Variants in LMTK2 observed in about 807,000 individuals in gnomAD.
The protein encoded by LMTK2 is serine/threonine-protein kinase LMTK2.
In LMTK2, 37 loss-of-function variants were observed where a neutral mutation model predicts 127.5. The observed-to-expected ratio is 0.29, with a 90% CI of 0.22 to 0.38. The LOEUF is 0.38. Among genes scored for constraint, LMTK2 ranks in the 10% least tolerant of loss-of-function variants. The pLI, the probability that LMTK2 is intolerant of heterozygous loss-of-function variation, is 1.00. For synonymous variants in LMTK2, 819 were observed against 810.1 expected, an observed-to-expected ratio of 1.01 and a Z score of -0.19; for missense variants, 1,694 against 1,920.3, an observed-to-expected ratio of 0.88 and a Z score of 2.20.
At chr7:98,164,646 C>A (rs540415674) in intron 6 of LMTK2, among the ~76,000 whole-genome samples, 4 of 152,132 alleles carry the variant, frequency 2.6e-5, no homozygotes, top group Non-Finnish European at 4.4e-5. Flanking sequence ...GGAGTCCTAA[C>A]CAGGATCACT....
chr7:98,108,198 G>A (rs1031699469), intron 1 of LMTK2, among the ~76,000 whole-genome samples: 1 of 152,116 alleles, frequency 6.6e-6, no homozygotes, highest in Non-Finnish European at 1.5e-5. Flanking sequence ...GGAGATACTG[G>A]GCATGTTGGG....
intron 3 of LMTK2, among the ~76,000 whole-genome samples, chr7:98,149,418 A>T (rs76669372): frequency 7.9e-5 from 12 of 152,200 alleles, no homozygotes; most frequent in African/African-American, 2.4e-4. Context: ...CTGGCAGTTT[A>T]AAAAAAAGTC....
chr7:98,143,776 T>C (rs2116373368), intron 3 of LMTK2, among the ~76,000 whole-genome samples: 1 of 152,336 alleles, frequency 6.6e-6, no homozygotes, highest in South Asian at 2.1e-4. Context: ...AGTTCCACTT[T>C]TAGTAATTTA....
intron 1 of LMTK2, among the ~76,000 whole-genome samples, chr7:98,120,786 T>G (rs1796349400): frequency 6.6e-6 from 1 of 152,146 alleles, no homozygotes; most frequent in Non-Finnish European, 1.5e-5. Context: ...TACCTCAGAC[T>G]GTTATTAAAA....
intron 6 of LMTK2, among the ~76,000 whole-genome samples, chr7:98,168,649 G>A (rs1236771483): frequency 6.6e-6 from 1 of 152,196 alleles, no homozygotes; most frequent in Non-Finnish European, 1.5e-5. Context: ...CTGCAGAAAA[G>A]CTATATAAAG....
At chr7:98,174,211 A>G (rs769608053) in intron 7 of LMTK2, among the ~76,000 whole-genome samples, 1 of 151,982 alleles carries the variant, frequency 6.6e-6, no homozygotes, top group Admixed American at 6.6e-5. Context: ...ATCATATAGT[A>G]TATTTTTAAG....
At chr7:98,137,019 G>A (rs1394918772) in intron 1 of LMTK2, among the ~76,000 whole-genome samples, 1 of 152,210 alleles carries the variant, frequency 6.6e-6, no homozygotes, top group Non-Finnish European at 1.5e-5. Flanking sequence ...CTTGTTACCA[G>A]TGTTACTGTC....
chr7:98,127,295 A>G (rs1796457375), intron 1 of LMTK2, among the ~76,000 whole-genome samples: 1 of 152,194 alleles, frequency 6.6e-6, no homozygotes, highest in Admixed American at 6.6e-5. Flanking sequence ...TAGAAGAGGA[A>G]GACAGGCTTA....
At chr7:98,139,051 A>G (rs1284787433) in intron 2 of LMTK2, among the ~76,000 whole-genome samples, 3 of 152,232 alleles carry the variant, frequency 2.0e-5, no homozygotes, top group African/African-American at 7.2e-5. Flanking sequence ...ACAGTCTGGT[A>G]ACACAGGTGA....
intron 2 of LMTK2, among the ~76,000 whole-genome samples, chr7:98,138,100 C>T (rs915608677): frequency 6.6e-6 from 1 of 152,178 alleles, no homozygotes; most frequent in Non-Finnish European, 1.5e-5. Flanking sequence ...CCAGGAAGGC[C>T]TCTAGAACTT....
chr7:98,167,374 A>C (rs1235272993), intron 6 of LMTK2, among the ~76,000 whole-genome samples: 1 of 152,232 alleles, frequency 6.6e-6, no homozygotes, highest in Non-Finnish European at 1.5e-5. Context: ...AACCCAGGCT[A>C]TCACGGTTGG....
Position 98,154,758 on chromosome 7 carries a change from G to C in LMTK2, c.451G>C (p.Val151Leu), listed in dbSNP as rs1796903164. ...QEIGNGWFGK[V>L]LLGEIYTGTS... is the part of the protein sequence containing the mutation. ...ACAAAAAACTGTTCTTTGATTTTAG[G>C]TTCTCTTGGGAGAGATTTACACGGG... Residue 151 changes from valine (V) to leucine (L), a missense_variant and splice_region_variant, in exon 5 of 14, where the codon GTT (valine) becomes CTT (leucine). Coordinates refer to ENST00000297293, the MANE Select transcript of LMTK2 (RefSeq NM_014916.4). 1 of 1,596,180 alleles carries C rather than the reference G, an allele frequency of 6.3e-7. No individual in the cohort carries two copies. Among genetic ancestry groups the C allele is most frequent in the Non-Finnish European group, 8.6e-7 (1 of 1,165,726 alleles).
chr7:98,117,782 C>T (rs1170631904), intron 1 of LMTK2, among the ~76,000 whole-genome samples: 3 of 152,082 alleles, frequency 2.0e-5, no homozygotes, highest in African/African-American at 7.2e-5. Context: ...GCCTGACCAA[C>T]GTGGTAAAAC....
Position 98,140,147 on chromosome 7 carries a change from CTT to C in LMTK2, c.232-1247_232-1246del, listed in dbSNP as rs1181373719. Among the ~76,000 whole-genome samples, 109 of 62,680 alleles carry C rather than the reference CTT, an allele frequency of 1.7e-3. 16 individuals carry two copies. Among genetic ancestry groups the C allele is most frequent in the African/African-American group, 0.011 (90 of 8,084 alleles). The allele number at this position is 62,680 out of a possible 152,430, so 41.1% of individuals were successfully genotyped here. A position where few individuals can be genotyped will look rare whatever the true frequency, so the allele number is the denominator to read the frequency against. On this transcript the variant is annotated intron_variant, in intron 2 of 13. Coordinates refer to ENST00000297293, the MANE Select transcript of LMTK2 (RefSeq NM_014916.4). ...CTTTCTTTCTTTCTTTCTTTCTTTT[CTT>C]TTCTTTTCTTTTCTTTTCTTTTCTT...
Position 98,107,036 on chromosome 7 carries a change from T to C in LMTK2, c.-142T>C. ...GCGGACCGGGAGCCGGACCGAGGTTTGGCAGAAGCAACGTGTGCTCGGGAG... is the reference window on the plus strand; with the variant it reads ...GCGGACCGGGAGCCGGACCGAGGTTCGGCAGAAGCAACGTGTGCTCGGGAG... On this transcript the variant is annotated 5_prime_UTR_variant, in exon 1 of 14. Transcript: ENST00000297293. 7.2e-6 allele frequency: 4 copies of C among 553,838 alleles called. No homozygotes were observed. Among genetic ancestry groups the C allele is most frequent in the Non-Finnish European group, 1.2e-5 (4 of 340,492 alleles). The allele number at this position is 553,838 out of a possible 1,614,324, so 34.3% of individuals were successfully genotyped here.
rs767480792 is a variant in LMTK2 at position 98,192,851 on chromosome 7, G to A, written c.2386G>A (p.Val796Ile). ...NVSTKGDDTD[V>I]MLTGDTLSTS... ...AAGCACAAAGGGTGACGATACAGAT[G>A]TCATGCTCACAGGTGACACTTTGAG... The change falls in exon 11 of 14, where the codon GTC becomes ATC. Residue 796 changes from valine (V) to isoleucine (I), a missense_variant. Val to Ile is a conservative substitution (Grantham distance 29, BLOSUM62 3). This residue lies in a region of LMTK2 where 527 missense variants were observed against 539.8 expected (regional missense o/e 0.98). Transcript: ENST00000297293. 6 of 1,614,080 alleles carry A rather than the reference G, an allele frequency of 3.7e-6. No individual in the cohort carries two copies. In the South Asian group the frequency reaches 5.5e-5, roughly 15 times the overall value.
At chr7:98,203,875 G>A in intron 12 of LMTK2, 69 bp from the exon 13 acceptor site, 3 of 1,595,876 alleles carry the variant, frequency 1.9e-6, no homozygotes, top group Non-Finnish European at 1.7e-6. Flanking sequence ...GGGCGCACCT[G>A]CCCAGAGGCT....
At chr7:98,126,256 G>A (rs531414735) in intron 1 of LMTK2, among the ~76,000 whole-genome samples, 1 of 152,188 alleles carries the variant, frequency 6.6e-6, no homozygotes, top group Admixed American at 6.5e-5. Context: ...CCATTGACTC[G>A]CCTGCACATC....
At chr7:98,148,733 G>A (rs975289500) in intron 3 of LMTK2, among the ~76,000 whole-genome samples, 2 of 152,168 alleles carry the variant, frequency 1.3e-5, no homozygotes, top group Admixed American at 6.5e-5. Context: ...TATTGTCTAG[G>A]TCTTTGCAGA....
Sources: allele counts gnomAD v4.1 joint callset (sites outside exome capture counted in the v4.1 genomes callset), GRCh38; gene constraint gnomAD v4.1.1; regional missense constraint gnomAD v4.1.1; transcripts MANE v1.5; gene names NCBI Gene and HGNC (gene_info 2026-07-23, HGNC 2026-07-21).